Variants in LRRC37A3 observed in about 807,000 individuals in gnomAD.
LRRC37A3 encodes the protein leucine-rich repeat-containing protein 37A3.
A neutral mutation model predicts 106.2 loss-of-function variants in LRRC37A3; 25 were observed. That is an observed-to-expected ratio of 0.24 (90% CI 0.17 to 0.33). The LOEUF (loss-of-function observed/expected upper bound fraction) is 0.33, where lower values mean the gene tolerates loss of function less well. Ranked by LOEUF, LRRC37A3 falls within the 10% of genes least tolerant of loss-of-function variation. The probability of loss-of-function intolerance (pLI) is 1.00; values close to 1 mark genes in which losing one functional copy is unlikely to be tolerated. For missense variants in LRRC37A3, 712 were observed against 1,644.9 expected (o/e 0.43, Z 9.81); for synonymous variants, 305 against 635.8 (o/e 0.48, Z 7.83).
intron 8 of LRRC37A3, among the ~76,000 whole-genome samples, chr17:64,884,465 A>T (rs1333124402): frequency 6.6e-6 from 1 of 151,166 alleles, no homozygotes; most frequent in East Asian, 1.9e-4. Context: ...TCCTGGTTTC[A>T]AGTGATTCTC....
intron 10 of LRRC37A3, among the ~76,000 whole-genome samples, chr17:64,865,300 C>T (rs1296007322): frequency 6.6e-6 from 1 of 152,158 alleles, no homozygotes. Context: ...TGTGCCACCA[C>T]ACCTGGCTAA....
Position 64,855,815 on chromosome 17 carries a change from A to C in LRRC37A3, c.4859+25T>G, listed in dbSNP as rs1435645845. On this transcript the variant is annotated intron_variant, in intron 14 of 14. Coordinates refer to ENST00000584306, the MANE Select transcript of LRRC37A3 (RefSeq NM_199340.5). ...AAACTCCGTCTCAAAAGAAAAGAAAAAAAAATCACCAGACTAATATTTACC... is the reference window on the plus strand; with the variant it reads ...AAACTCCGTCTCAAAAGAAAAGAAACAAAAATCACCAGACTAATATTTACC... 4 of 1,611,342 alleles carry C rather than the reference A, an allele frequency of 2.5e-6. No homozygotes were observed. In the African/African-American group the frequency reaches 4.0e-5, roughly 16 times the overall value.
At chr17:64,859,396 C>G in intron 12 of LRRC37A3, 46 bp downstream of exon 12, 1 of 1,244,856 alleles carries the variant, frequency 8.0e-7, no homozygotes, top group South Asian at 1.3e-5. Flanking sequence ...CTGGGATATG[C>G]TAAATGATGG....
intron 10 of LRRC37A3, chr17:64,863,320 G>A (rs1439031170): frequency 1.5e-5 from 6 of 394,204 alleles, no homozygotes; most frequent in Non-Finnish European, 2.8e-5. Flanking sequence ...TGGGCTGAAA[G>A]TACAGAGGAA....
In LRRC37A3 at chr17:64,859,658, A is replaced by T. The variant is rs1045848367; in HGVS notation, c.4488T>A (p.His1496Gln). Residue 1496 changes from histidine (H) to glutamine (Q), a missense_variant, in exon 12 of 15, where the codon CAT becomes CAA. By Grantham distance (24) the His-to-Gln change is conservative (BLOSUM62 0). Coordinates refer to ENST00000584306, the MANE Select transcript of LRRC37A3 (RefSeq NM_199340.5). ...PNNNVRRLIA[H>Q]VIRTLKMDCS... ...AGTCCATCTTCAAGGTCCGGATAAC[A>T]TGAGCAATGAGCCTTCTCACATTGT... is the stretch of plus-strand genomic sequence containing the variant. 9 of 1,613,602 alleles carry T rather than the reference A, an allele frequency of 5.6e-6. No individual in the cohort carries two copies. The highest frequency in any genetic ancestry group is 5.0e-5 in the Admixed American group (3 of 59,896).
At chr17:64,858,423 C>A (rs1342466777) in intron 13 of LRRC37A3, among the ~76,000 whole-genome samples, 3 of 152,306 alleles carry the variant, frequency 2.0e-5, no homozygotes, top group Middle Eastern at 3.4e-3. Context: ...ATACCTCTCT[C>A]ATCATTTCAG....
chr17:64,917,760 A>T (rs1202739889), intron 2 of LRRC37A3, among the ~76,000 whole-genome samples: 1 of 151,988 alleles, frequency 6.6e-6, no homozygotes, highest in Non-Finnish European at 1.5e-5. Context: ...TGAGGTCAGG[A>T]GTTCAAGACC....
At chr17:64,865,336 G>A (rs913940122) in intron 10 of LRRC37A3, among the ~76,000 whole-genome samples, 2 of 152,092 alleles carry the variant, frequency 1.3e-5, no homozygotes, top group African/African-American at 2.4e-5. Context: ...TAGAAATGGG[G>A]TTTCACCATG....
intron 5 of LRRC37A3, among the ~76,000 whole-genome samples, chr17:64,890,093 C>T (rs1202933020): frequency 2.2e-5 from 1 of 45,940 alleles, no homozygotes; most frequent in Non-Finnish European, 3.3e-5. Context: ...ATTTCCTCCT[C>T]TCTTTTCCCA....
intron 2 of LRRC37A3, among the ~76,000 whole-genome samples, chr17:64,910,636 C>A (rs1469358897): frequency 1.4e-5 from 2 of 146,732 alleles, no homozygotes; most frequent in Admixed American, 6.8e-5. Flanking sequence ...CATTGTCCCC[C>A]CTTTTTTTTT....
rs1225118648 is a variant in LRRC37A3 at position 64,855,901 on chromosome 17, G to A, written c.4810-12C>T. On this transcript the variant is annotated splice_polypyrimidine_tract_variant and intron_variant, in intron 13 of 14. Transcript: ENST00000584306. ...CGGTGACAACAGATCTGTTTTAGAA[G>A]AAAACGCAATTAAGATTATCTATGA... 6.2e-7 allele frequency: 1 copy of A among 1,611,738 alleles called. No homozygotes were observed.
intron 8 of LRRC37A3, among the ~76,000 whole-genome samples, chr17:64,880,147 C>T (rs541857310): frequency 1.3e-5 from 2 of 151,984 alleles, no homozygotes; most frequent in South Asian, 4.2e-4. Flanking sequence ...ATCCTATTTT[C>T]CTCCTGTTCT....
At chr17:64,868,603 A>G (rs1261265754) in intron 9 of LRRC37A3, 67 bp from the exon 10 acceptor site, 3 of 1,536,940 alleles carry the variant, frequency 2.0e-6, no homozygotes, top group Non-Finnish European at 2.7e-6. Flanking sequence ...TAACAATTCA[A>G]TTTTGGCTTC....
At chr17:64,868,910 C>G (rs1043345600) in intron 9 of LRRC37A3, among the ~76,000 whole-genome samples, 185 bp downstream of exon 9, 8 of 152,130 alleles carry the variant, frequency 5.3e-5, no homozygotes, top group African/African-American at 1.9e-4. Flanking sequence ...GTTCTCTTCC[C>G]CTGCTGGCTG....
Position 64,861,990 on chromosome 17 carries a change from C to A in LRRC37A3, c.3172+910G>T, listed in dbSNP as rs1307098125. Among the ~76,000 whole-genome samples, 2 of 151,932 alleles carry A rather than the reference C, an allele frequency of 1.3e-5. 1 individual carries two copies. The highest frequency in any genetic ancestry group is 4.1e-4 in the South Asian group (2 of 4,824). ...AGAACCCAGAATTGGGGCCAGAAGA[C>A]CTGACACTAGGCTACAGCACTTAGC... is the stretch of plus-strand genomic sequence containing the variant. On this transcript the variant is annotated intron_variant, in intron 11 of 14. Transcript: ENST00000584306.
At chr17:64,890,295 C>G (rs1349331295) in intron 5 of LRRC37A3, among the ~76,000 whole-genome samples, 1 of 132,830 alleles carries the variant, frequency 7.5e-6, no homozygotes, top group Non-Finnish European at 1.5e-5. Context: ...GTCTCAAACT[C>G]CTGGCTCAAG....
chr17:64,873,002 T>C (rs2143462212), intron 8 of LRRC37A3, among the ~76,000 whole-genome samples: 1 of 152,340 alleles, frequency 6.6e-6, no homozygotes, highest in African/African-American at 2.4e-5. Context: ...AAGTAAATCT[T>C]CATTTAATCA....
At chr17:64,873,341 T>C (rs1230137217) in intron 8 of LRRC37A3, among the ~76,000 whole-genome samples, 2 of 151,372 alleles carry the variant, frequency 1.3e-5, no homozygotes, top group East Asian at 3.9e-4. Context: ...TTTTTATTTT[T>C]TATAGGTGGG....
At chr17:64,876,829 A>G (rs1204557481) in intron 8 of LRRC37A3, 2 of 152,052 alleles carry the variant, frequency 1.3e-5, no homozygotes, top group African/African-American at 2.4e-5. Flanking sequence ...TCCTTCATAA[A>G]GTCTTTCAAA....
Sources: gnomAD v4.1 joint callset for allele counts (sites outside exome capture counted in the v4.1 genomes callset) on GRCh38, gnomAD v4.1.1 for gene constraint, MANE v1.5 for transcripts, NCBI Gene and HGNC (gene_info 2026-07-23, HGNC 2026-07-21) for gene names.